Variants in GULP1 observed in about 807,000 individuals in gnomAD.
The protein encoded by GULP1 is PTB domain-containing engulfment adapter protein 1.
Under a neutral mutation model 40.9 loss-of-function variants are expected in GULP1, and 19 were observed. The ratio of observed to expected loss-of-function variants is 0.46; its 90% confidence interval spans 0.32 to 0.68. The LOEUF (loss-of-function observed/expected upper bound fraction) is 0.68. Ranked by LOEUF, GULP1 falls within the 30% of genes least tolerant of loss-of-function variation. The pLI is 0.03. For missense variants in GULP1, 312 were observed against 362.2 expected (o/e 0.86, Z 1.12); for synonymous variants, 119 against 117.6 (o/e 1.01, Z -0.08).
At chr2:188,376,485 G>A (rs1246740042) in intron 1 of GULP1, among the ~76,000 whole-genome samples, 1 of 152,066 alleles carries the variant, frequency 6.6e-6, no homozygotes, top group Non-Finnish European at 1.5e-5. Flanking sequence ...TGTAAGAAGA[G>A]CAACCAAGTT....
intron 1 of GULP1, among the ~76,000 whole-genome samples, chr2:188,353,315 A>T (rs775619567): frequency 2.6e-5 from 4 of 152,210 alleles, no homozygotes; most frequent in Non-Finnish European, 5.9e-5. Context: ...TTATCCTCAC[A>T]ACAGGTTATG....
intron 2 of GULP1, among the ~76,000 whole-genome samples, chr2:188,427,926 A>C (rs1306849624): frequency 1.3e-5 from 2 of 152,210 alleles, no homozygotes; most frequent in Non-Finnish European, 2.9e-5. Flanking sequence ...AGCTGCAAGC[A>C]CTCAGTGCCA....
chr2:188,586,948 C>T (rs558813946), intron 10 of GULP1, among the ~76,000 whole-genome samples: 1 of 151,444 alleles, frequency 6.6e-6, no homozygotes, highest in South Asian at 2.1e-4. Flanking sequence ...GGTTAGTTAC[C>T]TATGTATTTC....
intron 5 of GULP1, among the ~76,000 whole-genome samples, chr2:188,524,497 C>T (rs923999107): frequency 1.3e-5 from 2 of 151,784 alleles, no homozygotes; most frequent in African/African-American, 2.4e-5. Flanking sequence ...TTTTACTGTG[C>T]TGATTGCAAA....
intron 1 of GULP1, among the ~76,000 whole-genome samples, chr2:188,372,536 A>T (rs1438181236): frequency 6.6e-6 from 1 of 152,028 alleles, no homozygotes; most frequent in Non-Finnish European, 1.5e-5. Context: ...TTTGTATTGT[A>T]CTTACAGTTT....
At chr2:188,439,833 C>T (rs1016255804) in intron 2 of GULP1, among the ~76,000 whole-genome samples, 24 of 152,048 alleles carry the variant, frequency 1.6e-4, no homozygotes, top group African/African-American at 5.8e-4. Context: ...AGACAGCCTA[C>T]ACTGATCATT....
intron 6 of GULP1, among the ~76,000 whole-genome samples, chr2:188,540,346 A>G (rs1169241527): frequency 6.6e-6 from 1 of 151,978 alleles, no homozygotes; most frequent in Non-Finnish European, 1.5e-5. Context: ...TGACTAAATA[A>G]TAGTAATTAT....
intron 10 of GULP1, among the ~76,000 whole-genome samples, chr2:188,586,298 T>C (rs1432486232): frequency 6.6e-6 from 1 of 152,194 alleles, no homozygotes; most frequent in African/African-American, 2.4e-5. Context: ...TGTCATTTCG[T>C]TTACTAAATT....
chr2:188,565,453 A>T (rs1697426837), intron 7 of GULP1, among the ~76,000 whole-genome samples: 1 of 152,054 alleles, frequency 6.6e-6, no homozygotes, highest in Non-Finnish European at 1.5e-5. Context: ...CAATATTATT[A>T]TTCAACAGGG....
chr2:188,553,682 T>C (rs1694071217), intron 7 of GULP1, among the ~76,000 whole-genome samples: 1 of 152,002 alleles, frequency 6.6e-6, no homozygotes, highest in Non-Finnish European at 1.5e-5. Flanking sequence ...ATAGAATGAG[T>C]TAAGAAGAAC....
chr2:188,296,476 A>G (rs2034961649), intron 1 of GULP1, among the ~76,000 whole-genome samples: 2 of 152,072 alleles, frequency 1.3e-5, no homozygotes, highest in Admixed American at 6.5e-5. Context: ...AATTGACTCA[A>G]ATATTGTGTG....
At chr2:188,538,524 C>G (rs953515831) in intron 6 of GULP1, among the ~76,000 whole-genome samples, 5 of 151,934 alleles carry the variant, frequency 3.3e-5, no homozygotes, top group Non-Finnish European at 7.4e-5. Context: ...ATGTTACATA[C>G]GAATATAGAG....
chr2:188,491,351 C>T (rs1024009994), intron 4 of GULP1: 1 of 151,970 alleles, frequency 6.6e-6, no homozygotes, highest in African/African-American at 2.4e-5. Flanking sequence ...CTAAAATCAG[C>T]ATATAAGTGA....
At chr2:188,419,815 G>A (rs539704598) in intron 2 of GULP1, among the ~76,000 whole-genome samples, 3 of 152,128 alleles carry the variant, frequency 2.0e-5, no homozygotes, top group Admixed American at 2.0e-4. Flanking sequence ...TTTTCTTTTA[G>A]GAGTTTAACA....
intron 4 of GULP1, 127 bp downstream of exon 4, chr2:188,483,619 A>G (rs1389260790): frequency 2.4e-6 from 1 of 423,970 alleles, no homozygotes; most frequent in East Asian, 3.6e-5. Context: ...GTTTACATAA[A>G]TAAAATAATT....
At chr2:188,358,900 A>G (rs576107677) in intron 1 of GULP1, among the ~76,000 whole-genome samples, 2 of 152,270 alleles carry the variant, frequency 1.3e-5, no homozygotes, top group African/African-American at 4.8e-5. Flanking sequence ...GACACATTAA[A>G]AAATAAGTAA....
At chr2:188,529,472 G>A (rs768818705) in intron 6 of GULP1, among the ~76,000 whole-genome samples, 2 of 152,160 alleles carry the variant, frequency 1.3e-5, no homozygotes, top group Non-Finnish European at 2.9e-5. Flanking sequence ...TTCATGAGAT[G>A]TGAAAGAGAT....
Position 188,522,809 on chromosome 2 carries a change from T to C in GULP1, c.144T>C (p.Asp48=), listed in dbSNP as rs1575766135. Residue 48 remains aspartate, a synonymous_variant, in exon 5 of 12, where the codon GAT becomes GAC. Coordinates refer to ENST00000409830, the MANE Select transcript of GULP1 (RefSeq NM_016315.4). ...EQPKGTEVVR[D]AVRKLKFARH... Reference sequence around the variant, plus strand: ...CAAAAGGAACAGAAGTTGTGAGAGATGCTGTAAGGAAACTAAAGGTAGGGA... The same window carrying C: ...CAAAAGGAACAGAAGTTGTGAGAGACGCTGTAAGGAAACTAAAGGTAGGGA... 1 of 1,609,026 alleles carries C rather than the reference T, an allele frequency of 6.2e-7. No homozygotes were observed. The highest frequency in any genetic ancestry group is 8.5e-7 in the Non-Finnish European group (1 of 1,175,662).
intron 1 of GULP1, among the ~76,000 whole-genome samples, chr2:188,379,587 A>G (rs1343671287): frequency 6.6e-6 from 1 of 152,102 alleles, no homozygotes; most frequent in Non-Finnish European, 1.5e-5. Context: ...CCGCCTTGGC[A>G]ATATGATCTT....
Sources: gnomAD v4.1 joint callset for allele counts (sites outside exome capture counted in the v4.1 genomes callset) on GRCh38, gnomAD v4.1.1 for gene constraint, MANE v1.5 for transcripts, NCBI Gene and HGNC (gene_info 2026-07-23, HGNC 2026-07-21) for gene names.